The following KCNH5 variants were observed in gnomAD, a reference collection of about 807,000 sequenced individuals.
The protein encoded by KCNH5 is voltage-gated delayed rectifier potassium channel KCNH5.
KCNH5 carries 46 observed loss-of-function variants against 96.1 expected under a neutral mutation model. The ratio of observed to expected loss-of-function variants is 0.48; its 90% CI spans 0.38 to 0.61. The LOEUF (loss-of-function observed/expected upper bound fraction) is 0.61. Ranked by LOEUF, KCNH5 falls within the 20% of genes least tolerant of loss-of-function variation. The pLI, the probability that KCNH5 is intolerant of heterozygous loss-of-function variation, is 0.00. For missense variants in KCNH5, 907 were observed against 1,225.8 expected (o/e 0.74, Z 3.88); for synonymous variants, 439 against 449.8 (o/e 0.98, Z 0.30).
rs77101358 is a variant in KCNH5, at chr14:62,819,256, C to T, written c.1570-16675G>A. The stretch of plus-strand genomic sequence containing the variant: ...TGCTGGGATTACAGGCATGAGCCAC[C>T]GTGCCTGGCCAAGAATATTCTTTAG... On this transcript the variant is annotated intron_variant, in intron 8 of 10. Transcript: ENST00000322893. Among the ~76,000 whole-genome samples the T allele has an allele frequency of 7.1e-4, 108 of 152,240 alleles. 1 individual carries two copies. In the East Asian group the frequency reaches 0.018, roughly 25 times the overall value.
intron 8 of KCNH5, among the ~76,000 whole-genome samples, chr14:62,806,954 G>C (rs1200049118): frequency 6.6e-6 from 1 of 152,064 alleles, no homozygotes; most frequent in Admixed American, 6.6e-5. Context: ...TCCCTGAAAG[G>C]GGAAACTTGA....
intron 9 of KCNH5, among the ~76,000 whole-genome samples, chr14:62,801,040 C>T (rs1395137494): frequency 6.6e-6 from 1 of 152,052 alleles, no homozygotes; most frequent in Non-Finnish European, 1.5e-5. Context: ...ATTTGCAACC[C>T]TGAACCATTT....
chr14:62,709,911 C>T (rs1399157832), intron 10 of KCNH5, among the ~76,000 whole-genome samples: 1 of 152,182 alleles, frequency 6.6e-6, no homozygotes, highest in African/African-American at 2.4e-5. Flanking sequence ...AATTTTATCA[C>T]TCAAGGAAAA....
chr14:62,836,669 T>C (rs866350796), intron 8 of KCNH5, among the ~76,000 whole-genome samples: 1 of 152,182 alleles, frequency 6.6e-6, no homozygotes. Flanking sequence ...AATCTCCTCT[T>C]TCACCTAAAA....
chr14:62,755,866 C>T (rs1885611781), intron 10 of KCNH5, among the ~76,000 whole-genome samples: 1 of 152,142 alleles, frequency 6.6e-6, no homozygotes, highest in Non-Finnish European at 1.5e-5. Context: ...ATTACATGAT[C>T]ATTTCAATTG....
At chr14:62,926,324 C>T (rs1889475854) in intron 7 of KCNH5, among the ~76,000 whole-genome samples, 1 of 152,062 alleles carries the variant, frequency 6.6e-6, no homozygotes, top group African/African-American at 2.4e-5. Flanking sequence ...TAAAAAGCTG[C>T]CGGTATCTCA....
chr14:62,720,618 G>A (rs1404756613), intron 10 of KCNH5, among the ~76,000 whole-genome samples: 1 of 152,130 alleles, frequency 6.6e-6, no homozygotes, highest in African/African-American at 2.4e-5. Flanking sequence ...AGTAGTTCAG[G>A]TGAGATATTA....
intron 7 of KCNH5, among the ~76,000 whole-genome samples, chr14:62,925,051 G>T (rs1056969607): frequency 6.6e-6 from 1 of 151,800 alleles, no homozygotes; most frequent in African/African-American, 2.4e-5. Context: ...CATATTTCAA[G>T]ACATCAATCT....
intron 8 of KCNH5, among the ~76,000 whole-genome samples, chr14:62,831,275 G>A (rs568684660): frequency 1.3e-5 from 2 of 152,200 alleles, no homozygotes; most frequent in African/African-American, 4.8e-5. Context: ...TTTCCCAAGG[G>A]TCAGTTTAAT....
At chr14:62,831,047 A>C (rs1458502515) in intron 8 of KCNH5, among the ~76,000 whole-genome samples, 1 of 152,050 alleles carries the variant, frequency 6.6e-6, no homozygotes, top group Non-Finnish European at 1.5e-5. Context: ...AAGCCATCTG[A>C]CTGCACAGTA....
At chr14:62,768,495 C>A (rs1218508015) in intron 10 of KCNH5, among the ~76,000 whole-genome samples, 2 of 152,136 alleles carry the variant, frequency 1.3e-5, no homozygotes, top group African/African-American at 2.4e-5. Context: ...AACAAACAGT[C>A]TAGCGTCCAG....
chr14:62,844,926 C>A (rs770656756), intron 8 of KCNH5, among the ~76,000 whole-genome samples: 1 of 152,040 alleles, frequency 6.6e-6, no homozygotes, highest in African/African-American at 2.4e-5. Context: ...GTCATTGGGG[C>A]GAAGGTTTTT....
At chr14:63,036,589 G>A (rs920411287) in intron 1 of KCNH5, among the ~76,000 whole-genome samples, 1 of 151,936 alleles carries the variant, frequency 6.6e-6, no homozygotes, top group African/African-American at 2.4e-5. Flanking sequence ...AGTAGTACAA[G>A]AAGAGAAATC....
intron 2 of KCNH5, among the ~76,000 whole-genome samples, chr14:63,011,723 C>T (rs570769816): frequency 1.2e-4 from 19 of 152,216 alleles, no homozygotes; most frequent in African/African-American, 4.1e-4. Flanking sequence ...ACACCTCTGC[C>T]CTTCAACACT....
intron 10 of KCNH5, among the ~76,000 whole-genome samples, chr14:62,731,120 G>A (rs1046421289): frequency 5.9e-5 from 9 of 151,910 alleles, no homozygotes; most frequent in African/African-American, 2.2e-4. Flanking sequence ...GGCCAATATG[G>A]TGAAACCCCA....
intron 1 of KCNH5, among the ~76,000 whole-genome samples, chr14:63,040,384 T>C (rs1057505113): frequency 6.6e-6 from 1 of 152,028 alleles, no homozygotes; most frequent in Non-Finnish European, 1.5e-5. Context: ...TATAACACAG[T>C]GTGGGAATCT....
intron 10 of KCNH5, among the ~76,000 whole-genome samples, chr14:62,713,372 C>G (rs1884614495): frequency 6.6e-6 from 1 of 152,098 alleles, no homozygotes; most frequent in Non-Finnish European, 1.5e-5. Context: ...TAGAACCTAC[C>G]CAACTACTGA....
At chr14:62,836,513 T>C (rs185172691) in intron 8 of KCNH5, among the ~76,000 whole-genome samples, 1 of 152,240 alleles carries the variant, frequency 6.6e-6, no homozygotes, top group East Asian at 1.9e-4. Flanking sequence ...ACTCTAATTA[T>C]AACATATTCG....
chr14:62,975,784 G>A (rs1007578881), intron 6 of KCNH5, among the ~76,000 whole-genome samples: 27 of 151,858 alleles, frequency 1.8e-4, no homozygotes, highest in South Asian at 4.2e-4. Context: ...GGTAAGAAAA[G>A]GCATTTAAAA....
Sources: gnomAD v4.1 joint callset for allele counts (sites outside exome capture counted in the v4.1 genomes callset) on GRCh38, gnomAD v4.1.1 for gene constraint, MANE v1.5 for transcripts, NCBI Gene and HGNC (gene_info 2026-07-23, HGNC 2026-07-21) for gene names.